The following HSPA12A variants were observed in gnomAD, a reference collection of about 807,000 sequenced individuals.
HSPA12A encodes the protein heat shock 70 kDa protein 12A.
In HSPA12A, 28 loss-of-function variants were observed where a neutral mutation model predicts 69.2. The ratio of observed to expected loss-of-function variants is 0.40; its 90% CI spans 0.30 to 0.55. The LOEUF (loss-of-function observed/expected upper bound fraction) is 0.55. Among genes scored for constraint, HSPA12A ranks in the 20% least tolerant of loss-of-function variants. The pLI, the probability that HSPA12A is intolerant of heterozygous loss-of-function variation, is 0.38. For synonymous variants in HSPA12A, 345 were observed against 370.5 expected (o/e 0.93, Z 0.79); for missense variants, 686 against 900.7 (o/e 0.76, Z 3.05).
chr10:116,802,939 C>T (rs1844989391), intron 2 of HSPA12A, among the ~76,000 whole-genome samples: 2 of 152,224 alleles, frequency 1.3e-5, no homozygotes, highest in South Asian at 4.1e-4. Flanking sequence ...CAGGTGTTAC[C>T]CTTTCAGTCT....
At chr10:116,687,423 G>A (rs1554879662) in intron 6 of HSPA12A, among the ~76,000 whole-genome samples, 1 of 152,114 alleles carries the variant, frequency 6.6e-6, no homozygotes, top group Admixed American at 6.5e-5. Context: ...GTGAGGGGCC[G>A]TGTCCTACCT....
intron 6 of HSPA12A, among the ~76,000 whole-genome samples, chr10:116,689,338 A>G (rs1849668399): frequency 6.6e-6 from 1 of 151,794 alleles, no homozygotes; most frequent in Non-Finnish European, 1.5e-5. Flanking sequence ...CAGTTCTCCA[A>G]CTGTCCTACT....
chr10:116,758,111 T>G (rs571531148), intron 2 of HSPA12A, among the ~76,000 whole-genome samples: 1 of 152,274 alleles, frequency 6.6e-6, no homozygotes, highest in East Asian at 1.9e-4. Context: ...TCAACAGAAG[T>G]GGGATAGGTG....
intron 2 of HSPA12A, among the ~76,000 whole-genome samples, chr10:116,820,996 C>A (rs1833124170): frequency 6.6e-6 from 1 of 152,106 alleles, no homozygotes; most frequent in Non-Finnish European, 1.5e-5. Context: ...ATGGCCTCCC[C>A]CTGCACCCCT....
chr10:116,836,814 A>T (rs72831643), intron 1 of HSPA12A, among the ~76,000 whole-genome samples: 7,424 of 150,990 alleles, frequency 0.049, 246 homozygotes, highest in Non-Finnish European at 0.075. Context: ...AACTCCTTCA[A>T]CCCTAAAATT....
upstream of HSPA12A, chr10:116,849,910 T>TG (rs373004817): frequency 8.8e-4 from 672 of 762,204 alleles, 5 homozygotes; most frequent in African/African-American, 0.011. Flanking sequence ...CACCCAGGGG[T>TG]GAAGGGATCT....
chr10:116,818,456 C>T (rs1307554332), intron 2 of HSPA12A, among the ~76,000 whole-genome samples: 15 of 151,788 alleles, frequency 9.9e-5, no homozygotes, highest in Non-Finnish European at 1.3e-4. Flanking sequence ...CATAGGTTGT[C>T]TCTCTTGGCC....
At chr10:116,798,582 T>A (rs1844886061) in intron 2 of HSPA12A, among the ~76,000 whole-genome samples, 2 of 152,048 alleles carry the variant, frequency 1.3e-5, no homozygotes, top group Non-Finnish European at 2.9e-5. Context: ...GAGGATGGGA[T>A]GGGGTGGGGG....
At chr10:116,775,590 G>A (rs12249901) in intron 2 of HSPA12A, among the ~76,000 whole-genome samples, 2,784 of 152,276 alleles carry the variant, frequency 0.018, 92 homozygotes, top group African/African-American at 0.064. Flanking sequence ...GGGGATGGAA[G>A]AAGGACCTCC....
intron 2 of HSPA12A, among the ~76,000 whole-genome samples, chr10:116,801,255 T>G (rs920354896): frequency 2.6e-5 from 4 of 152,232 alleles, no homozygotes; most frequent in Admixed American, 6.5e-5. Flanking sequence ...CACATTAATT[T>G]TCTTCCTTTT....
At chr10:116,759,004 G>A (rs1489210294) in intron 2 of HSPA12A, among the ~76,000 whole-genome samples, 2 of 152,160 alleles carry the variant, frequency 1.3e-5, no homozygotes, top group Admixed American at 6.5e-5. Flanking sequence ...CCAGACAGCC[G>A]GCTTGTTTCA....
At chr10:116,714,088 T>C (rs1296817424) in intron 1 of HSPA12A, among the ~76,000 whole-genome samples, 2 of 151,324 alleles carry the variant, frequency 1.3e-5, no homozygotes, top group African/African-American at 4.9e-5. Context: ...GGTGAGTGGA[T>C]GGATGGACGG....
chr10:116,850,030 CCT>C (rs1846028118), upstream of HSPA12A: 1 of 558,716 alleles, frequency 1.8e-6, no homozygotes, highest in African/African-American at 1.9e-5. Flanking sequence ...GCCTAAGAGG[CCT>C]CTCCGTTTGT....
At position 116,671,228 on chromosome 10, in the gene HSPA12A, A is replaced by G. The variant is rs782054691; in HGVS notation, c.*3553T>C. On this transcript the variant is annotated 3_prime_UTR_variant, in exon 12 of 12. Coordinates refer to ENST00000369209, the MANE Select transcript of HSPA12A (RefSeq NM_025015.3). Reference sequence around the variant, plus strand: ...GTTTTGCTTTATTAGGCGTCTGTGAAGACAAGAGAGTTTGCAGACACAGTC... The same window carrying G: ...GTTTTGCTTTATTAGGCGTCTGTGAGGACAAGAGAGTTTGCAGACACAGTC... 3.9e-5 allele frequency: 6 copies of G among 152,212 alleles called. No homozygotes were observed. The highest frequency in any genetic ancestry group is 7.3e-5 in the Non-Finnish European group (5 of 68,042). The allele number at this position is 152,212 out of a possible 1,614,324, so 9.4% of individuals were successfully genotyped here.
At chr10:116,733,881 A>G (rs1382534902) in intron 1 of HSPA12A, among the ~76,000 whole-genome samples, 1 of 152,178 alleles carries the variant, frequency 6.6e-6, no homozygotes, top group Non-Finnish European at 1.5e-5. Context: ...ATGGGTTTAT[A>G]GGGACGTAAC....
intron 2 of HSPA12A, among the ~76,000 whole-genome samples, chr10:116,775,500 C>T (rs984179923): frequency 1.8e-4 from 27 of 152,098 alleles, no homozygotes; most frequent in East Asian, 1.2e-3. Flanking sequence ...TAACATTGAC[C>T]GTGAAGTTTG....
chr10:116,827,827 T>G (rs1845537493), intron 2 of HSPA12A, among the ~76,000 whole-genome samples: 1 of 152,138 alleles, frequency 6.6e-6, no homozygotes, highest in Admixed American at 6.5e-5. Flanking sequence ...ATAGCCCCAC[T>G]CATGTTCCCA....
chr10:116,707,258 G>A lies in HSPA12A; in HGVS notation c.68C>T (p.Ser23Phe), dbSNP rs1554882598. The change falls in exon 2 of 12, where the codon TCT (serine) becomes TTT (phenylalanine). Residue 23 changes from serine (S) to phenylalanine (F), a missense_variant. Ser to Phe is a radical substitution (Grantham distance 155). Coordinates refer to ENST00000369209, the MANE Select transcript of HSPA12A (RefSeq NM_025015.3). ...TGTGTCCCCAAGACTCCGGGCTGGA[G>A]ATGAATATGCAGATGTGGGAGCCGT... ...RETAPTSAYSSPARSLGDTGI... is the reference protein window; with the variant it reads ...RETAPTSAYSFPARSLGDTGI... 1 of 1,612,966 alleles carries A rather than the reference G, an allele frequency of 6.2e-7. No individual in the cohort carries two copies. Among genetic ancestry groups the A allele is most frequent in the Non-Finnish European group, 8.5e-7 (1 of 1,179,720 alleles).
chr10:116,740,199 G>A (rs961561568), intron 1 of HSPA12A, among the ~76,000 whole-genome samples: 6 of 152,324 alleles, frequency 3.9e-5, no homozygotes, highest in Admixed American at 2.6e-4. Flanking sequence ...TCCCAGATGT[G>A]TGACCTTGGA....
Sources: gnomAD v4.1 joint callset for allele counts (sites outside exome capture counted in the v4.1 genomes callset) on GRCh38, gnomAD v4.1.1 for gene constraint, MANE v1.5 for transcripts, NCBI Gene and HGNC (gene_info 2026-07-23, HGNC 2026-07-21) for gene names.